The following MADD variants were observed in gnomAD, a reference collection of about 807,000 sequenced individuals.
MADD encodes the protein MAP kinase-activating death domain protein.
A neutral mutation model predicts 176.7 loss-of-function variants in MADD; 109 were observed. The observed-to-expected ratio is 0.62, with a 90% confidence interval of 0.53 to 0.72. The LOEUF (loss-of-function observed/expected upper bound fraction) is 0.72. Among genes scored for constraint, MADD ranks in the 30% least tolerant of loss-of-function variants. MADD has a pLI of 0.00. For missense variants in MADD, 1,914 were observed against 2,045.5 expected, an observed-to-expected ratio of 0.94 and a Z score of 1.24; for synonymous variants, 771 against 771.3, an observed-to-expected ratio of 1.00 and a Z score of 0.01.
Position 47,293,085 on chromosome 11 carries a change from A to C in MADD, c.3302-798A>C, listed in dbSNP as rs1340629925. 3.3e-5 allele frequency among the ~76,000 whole-genome samples: 5 copies of C among 152,162 alleles called. No homozygotes were observed. The East Asian group carries it at 7.7e-4, about 23-fold the overall frequency. The stretch of plus-strand genomic sequence containing the variant: ...GTGGGGGACAAGGGGGGTGGTTTTC[A>C]TCTCAAACATAGAAGTTGTAGGATG... On this transcript the variant is annotated intron_variant, in intron 19 of 32. Coordinates refer to ENST00000402192, the Ensembl canonical transcript of MADD.
chr11:47,304,155 G>A (rs1002021581), intron 22 of MADD, among the ~76,000 whole-genome samples: 2 of 150,696 alleles, frequency 1.3e-5, no homozygotes, highest in South Asian at 2.1e-4. Flanking sequence ...GACTAATTTC[G>A]AATGACTTAT....
chr11:47,293,357 A>G (rs752106267), intron 19 of MADD, among the ~76,000 whole-genome samples: 1 of 149,248 alleles, frequency 6.7e-6, no homozygotes. Flanking sequence ...GCTGGAGTGC[A>G]GTGGTACGAT....
chr11:47,290,790 A>C (rs755002826), exon 19 of MADD: 1 of 1,612,608 alleles, frequency 6.2e-7, no homozygotes, highest in Non-Finnish European at 8.5e-7. Flanking sequence ...AGAAGTTTAA[A>C]GGAAGAAAAT....
Position 47,284,963 on chromosome 11 carries a change from T to C in MADD, c.2180T>C (p.Met727Thr), listed in dbSNP as rs1243527617. ...TAGGAACCTGCTGACTCTACGGAGA[T>C]GGATGATAAGGCAGCAGTAGGCGTC... Residue 727 changes from methionine (M) to threonine (T), a missense_variant, in exon 13 of 33, where the codon ATG (methionine) becomes ACG (threonine). Physicochemically the swap from Met to Thr is moderately conservative, Grantham distance 81. Transcript: ENST00000402192. The C allele has an allele frequency of 1.1e-5, 17 of 1,613,844 alleles. No individual in the cohort carries two copies. The highest frequency in any genetic ancestry group is 6.6e-5 in the South Asian group (6 of 91,086).
At chr11:47,329,159 G>T in exon 33 of MADD, 1 of 1,608,410 alleles carries the variant, frequency 6.2e-7, no homozygotes, top group South Asian at 1.1e-5. Context: ...GATGGAGAGG[G>T]GCTACGCAGC....
At chr11:47,275,035 G>A (rs372704756) in exon 3 of MADD, 8 of 1,614,106 alleles carry the variant, frequency 5.0e-6, no homozygotes, top group African/African-American at 4.0e-5. Flanking sequence ...GTCCCTGTGC[G>A]TGCTCAGCCA....
intron 27 of MADD, among the ~76,000 whole-genome samples, chr11:47,323,009 G>A (rs1248637660): frequency 1.3e-5 from 2 of 152,122 alleles, no homozygotes; most frequent in African/African-American, 2.4e-5. Context: ...AGGCCAAGAC[G>A]GGTGTATCAC....
At chr11:47,317,359 G>C (rs1394032095) in intron 27 of MADD, among the ~76,000 whole-genome samples, 2 of 152,196 alleles carry the variant, frequency 1.3e-5, no homozygotes, top group Non-Finnish European at 2.9e-5. Context: ...GGGTCAGAGG[G>C]ACAATGCATT....
Position 47,282,366 on chromosome 11 carries a change from C to G in MADD, c.1470-15C>G, listed in dbSNP as rs1235930126. ...CCCTATGGGTCTCAGATTATCTCAT[C>G]ATCTGCTTCCCCAGGGTTGCCATGG... On this transcript the variant is annotated splice_polypyrimidine_tract_variant and intron_variant, in intron 8 of 32. Transcript: ENST00000402192. The G allele has an allele frequency of 6.2e-7, 1 of 1,605,636 alleles. No homozygotes were observed. Among genetic ancestry groups the G allele is most frequent in the Non-Finnish European group, 8.5e-7 (1 of 1,172,304 alleles).
intron 13 of MADD, 88 bp from the exon 14 acceptor site, chr11:47,285,363 G>A: frequency 1.3e-6 from 2 of 1,575,060 alleles, no homozygotes; most frequent in Non-Finnish European, 8.6e-7. Context: ...GGAAGGGAGT[G>A]GCAACTGTAG....
intron 22 of MADD, among the ~76,000 whole-genome samples, chr11:47,303,615 T>C (rs1370317708): frequency 6.7e-6 from 1 of 149,200 alleles, no homozygotes; most frequent in African/African-American, 2.5e-5. Flanking sequence ...GCCTTTTTTT[T>C]TTTTTTTTTT....
At chr11:47,287,261 GCA>G (rs2137967307) in intron 15 of MADD, among the ~76,000 whole-genome samples, 1 of 152,292 alleles carries the variant, frequency 6.6e-6, no homozygotes, top group African/African-American at 2.4e-5. Context: ...GGCGGAGGTT[GCA>G]GTGAGCCGAG....
chr11:47,318,173 C>T (rs1258983118), intron 27 of MADD, among the ~76,000 whole-genome samples: 1 of 152,078 alleles, frequency 6.6e-6, no homozygotes, highest in East Asian at 1.9e-4. Context: ...GGAAATTGGC[C>T]GTGTTTTCTT....
chr11:47,303,607 CT>C (rs137937344), intron 22 of MADD, among the ~76,000 whole-genome samples: 25,622 of 105,256 alleles, frequency 0.24, 2,489 homozygotes, highest in East Asian at 0.52. Context: ...TTGGAGAGGC[CT>C]TTTTTTTTTT....
At chr11:47,308,222 T>TAA (rs890283251) in intron 22 of MADD, among the ~76,000 whole-genome samples, 21 of 152,216 alleles carry the variant, frequency 1.4e-4, no homozygotes, top group African/African-American at 5.1e-4. Context: ...TTTCTGTACC[T>TAA]AAGGTCACAC....
intron 20 of MADD, among the ~76,000 whole-genome samples, chr11:47,294,776 G>C (rs1188262159): frequency 6.6e-6 from 1 of 150,988 alleles, no homozygotes; most frequent in Non-Finnish European, 1.5e-5. Flanking sequence ...TGCAATATTA[G>C]TATCCATTAA....
exon 3 of MADD, chr11:47,274,760 G>A (rs777494646): frequency 1.2e-6 from 2 of 1,614,234 alleles, no homozygotes; most frequent in Admixed American, 1.7e-5. Flanking sequence ...AAGGACACTG[G>A]AGTCACGCGA....
At chr11:47,323,617 AG>A in intron 27 of MADD, 53 bp from the exon 31 acceptor site, 3 of 1,581,760 alleles carry the variant, frequency 1.9e-6, no homozygotes. Context: ...GAAACAGTCT[AG>A]GGAGAGGCTG....
chr11:47,315,384 A>G (rs2092448550), intron 27 of MADD, 57 bp downstream of exon 30: 1 of 897,968 alleles, frequency 1.1e-6, no homozygotes, highest in South Asian at 1.4e-5. Context: ...CAGGGAACTC[A>G]TAGGACCGAT....
Sources: allele counts gnomAD v4.1 joint callset (sites outside exome capture counted in the v4.1 genomes callset), GRCh38; gene constraint gnomAD v4.1.1; transcripts MANE v1.5; gene names NCBI Gene and HGNC (gene_info 2026-07-23, HGNC 2026-07-21).